CFAP20DC: variants seen among roughly 807,000 people sequenced by gnomAD.
CFAP20DC encodes protein CFAP20DC.
CFAP20DC carries 84 observed loss-of-function variants against 101.7 expected under a neutral mutation model. The observed-to-expected ratio is 0.83, with a 90% confidence interval of 0.69 to 0.99. The LOEUF (loss-of-function observed/expected upper bound fraction) is 0.99. CFAP20DC is among the 50% of genes least tolerant of loss of function. CFAP20DC has a pLI of 0.00. For missense variants in CFAP20DC, 1,007 were observed against 970.3 expected (o/e 1.04, Z -0.50); for synonymous variants, 359 against 351.2 (o/e 1.02, Z -0.25).
In CFAP20DC at chr3:58,834,790, G is replaced by A. The variant is rs543773995; in HGVS notation, c.1972-2901C>T. 5.9e-5 allele frequency among the ~76,000 whole-genome samples: 9 copies of A among 152,248 alleles called. No homozygotes were observed. In the South Asian group the frequency reaches 8.3e-4, roughly 14 times the overall value. On this transcript the variant is annotated intron_variant, in intron 13 of 16. Coordinates refer to ENST00000482387, the MANE Select transcript of CFAP20DC (RefSeq NM_001394063.1). ...ATATACTAGGGGGGTCTCCAAATGC[G>A]TGATTTGTACCTTTAATGGAAAATT...
In CFAP20DC at chr3:58,742,501, A is replaced by G; in HGVS notation, c.2404T>C (p.Tyr802His). The change falls in exon 17 of 17, where the codon TAC becomes CAC. Residue 802 changes from tyrosine (Y) to histidine (H), a missense_variant. Tyr to His is a moderately conservative substitution (Grantham distance 83). Transcript: ENST00000482387. The part of the protein sequence containing the change: ...TLLYDPCLNC[Y>H]FDPQTGKYYE... ...TATTTCCCTGTTTGGGGGTCAAAGTAACAGTTCAGACAAGGGTCATACAAC... is the reference window on the plus strand; with the variant it reads ...TATTTCCCTGTTTGGGGGTCAAAGTGACAGTTCAGACAAGGGTCATACAAC... The G allele has an allele frequency of 1.2e-6, 2 of 1,608,136 alleles. No individual in the cohort carries two copies. The highest frequency in any genetic ancestry group is 1.7e-6 in the Non-Finnish European group (2 of 1,177,098).
chr3:58,848,896 A>G, intron 13 of CFAP20DC, 136 bp downstream of exon 13: 1 of 1,112,096 alleles, frequency 9.0e-7, no homozygotes, highest in Non-Finnish European at 1.2e-6. Flanking sequence ...ACTAAAACAC[A>G]TCAGAACAGG....
At chr3:58,838,692 T>C (rs563179839) in intron 13 of CFAP20DC, among the ~76,000 whole-genome samples, 1 of 152,350 alleles carries the variant, frequency 6.6e-6, no homozygotes, top group South Asian at 2.1e-4. Context: ...TTTGCTGTGA[T>C]AGCCTGCTAA....
At chr3:58,818,229 C>G (rs1056439478) in intron 14 of CFAP20DC, among the ~76,000 whole-genome samples, 2 of 151,784 alleles carry the variant, frequency 1.3e-5, no homozygotes, top group African/African-American at 4.8e-5. Context: ...GAAACTGCAT[C>G]GACTAATGAG....
downstream of CFAP20DC, among the ~76,000 whole-genome samples, chr3:58,716,598 T>A (rs1369398466): frequency 1.3e-5 from 2 of 152,078 alleles, no homozygotes; most frequent in Non-Finnish European, 2.9e-5. Context: ...ATGGAGAGCA[T>A]CTGTAAATTA....
At chr3:59,019,903 C>T (rs1303066539) in intron 4 of CFAP20DC, among the ~76,000 whole-genome samples, 1 of 152,032 alleles carries the variant, frequency 6.6e-6, no homozygotes, top group Non-Finnish European at 1.5e-5. Context: ...CTCTCACTGT[C>T]TCACAGCATA....
At chr3:58,919,145 C>T (rs1024404524) in intron 5 of CFAP20DC, among the ~76,000 whole-genome samples, 1 of 152,104 alleles carries the variant, frequency 6.6e-6, no homozygotes, top group African/African-American at 2.4e-5. Flanking sequence ...ATTTCTTTCA[C>T]CTTAGATGAT....
rs2080566944 is a variant in CFAP20DC, at chr3:58,874,525, G to C, written c.716-4216C>G. On this transcript the variant is annotated intron_variant, in intron 7 of 16. Transcript: ENST00000482387. The surrounding 1 kb of genome is among the most constrained non-coding windows in gnomAD (Gnocchi z 5.1). ...AAACCCTGCATGTTCTGACATGTCTGAGTATCTTACACCTCTCGTTTTCTG... is the reference window on the plus strand; with the variant it reads ...AAACCCTGCATGTTCTGACATGTCTCAGTATCTTACACCTCTCGTTTTCTG... 6.6e-6 allele frequency among the ~76,000 whole-genome samples: 1 copy of C among 152,100 alleles called. No individual in the cohort carries two copies. The highest frequency in any genetic ancestry group is 1.5e-5 in the Non-Finnish European group (1 of 68,022).
chr3:58,931,431 G>A (rs1367099547), intron 5 of CFAP20DC, among the ~76,000 whole-genome samples: 1 of 152,230 alleles, frequency 6.6e-6, no homozygotes, highest in South Asian at 2.1e-4. Flanking sequence ...GGTTCTCCCA[G>A]CACACAGCTG....
At chr3:58,803,656 T>TA (rs2073862764) in intron 15 of CFAP20DC, among the ~76,000 whole-genome samples, 1 of 152,324 alleles carries the variant, frequency 6.6e-6, no homozygotes, top group East Asian at 1.9e-4. Flanking sequence ...TTCCTGCCAA[T>TA]TCTCCTAAGC....
chr3:58,852,556 T>C (rs2078347519), intron 12 of CFAP20DC, among the ~76,000 whole-genome samples: 1 of 151,514 alleles, frequency 6.6e-6, no homozygotes. Context: ...GCACCACACC[T>C]ATTCCAAAAT....
At chr3:58,978,686 G>T (rs1425789375) in intron 4 of CFAP20DC, among the ~76,000 whole-genome samples, 1 of 148,796 alleles carries the variant, frequency 6.7e-6, no homozygotes, top group Non-Finnish European at 1.5e-5. Context: ...TCCAGCCTGG[G>T]TGACAAGAGA....
Position 58,753,794 on chromosome 3 carries a change from A to G in CFAP20DC, c.2307T>C (p.Asp769=). Reference sequence around the variant, plus strand: ...CTTGAACACTCAAACTTTCACAGGAATCTGGACGCTGCTCAGCCGGCTGTT... The same window carrying G: ...CTTGAACACTCAAACTTTCACAGGAGTCTGGACGCTGCTCAGCCGGCTGTT... ...PSQQPAEQRP[D]SCESLSVQGE... The change falls in exon 16 of 17, where the codon GAT becomes GAC. Residue 769 remains aspartate, a synonymous_variant. Transcript: ENST00000482387. 6.2e-7 allele frequency: 1 copy of G among 1,612,664 alleles called. No individual in the cohort carries two copies. The highest frequency in any genetic ancestry group is 1.1e-5 in the South Asian group (1 of 90,870).
chr3:58,836,558 CAT>C (rs2076750828), intron 13 of CFAP20DC, among the ~76,000 whole-genome samples: 1 of 152,018 alleles, frequency 6.6e-6, no homozygotes, highest in African/African-American at 2.4e-5. Context: ...CCAAGAATCT[CAT>C]TCTGTTCTTC....
intron 15 of CFAP20DC, among the ~76,000 whole-genome samples, chr3:58,775,743 G>T (rs9864553): frequency 0.01 from 1,468 of 145,972 alleles, 24 homozygotes; most frequent in African/African-American, 0.036. Context: ...TCCCTTTTCT[G>T]TCTTTTTTTT....
At chr3:58,793,340 TTGC>T (rs1284219677) in intron 15 of CFAP20DC, among the ~76,000 whole-genome samples, 1 of 152,178 alleles carries the variant, frequency 6.6e-6, no homozygotes, top group Non-Finnish European at 1.5e-5. Context: ...ACTTTCTTTT[TTGC>T]TAGCACTGAA....
chr3:58,720,309 C>G (rs146422796), intron 3 of CFAP20DC, among the ~76,000 whole-genome samples: 1 of 152,202 alleles, frequency 6.6e-6, no homozygotes, highest in Non-Finnish European at 1.5e-5. Context: ...TTTAAGTTCT[C>G]TGAGCCTCAG....
rs145837466 is a variant in CFAP20DC, at chr3:58,744,881, T to G, written c.2333-2309A>C. Among the ~76,000 whole-genome samples the G allele has an allele frequency of 2.6e-3, 400 of 152,298 alleles. 2 individuals are homozygous for G. The highest frequency in any genetic ancestry group is 3.1e-3 in the Non-Finnish European group (208 of 68,024). On this transcript the variant is annotated intron_variant, in intron 16 of 16. Coordinates refer to ENST00000482387, the MANE Select transcript of CFAP20DC (RefSeq NM_001394063.1). Reference sequence around the variant, plus strand: ...TGGGGCAACGATTTGTGCAGAATTTTGTAGATGAACTGTGCTTAGAACAGG... The same window carrying G: ...TGGGGCAACGATTTGTGCAGAATTTGGTAGATGAACTGTGCTTAGAACAGG...
At chr3:58,757,668 A>G (rs2069091970) in intron 15 of CFAP20DC, among the ~76,000 whole-genome samples, 1 of 151,982 alleles carries the variant, frequency 6.6e-6, no homozygotes, top group South Asian at 2.1e-4. Flanking sequence ...TTCATTTTTC[A>G]CAATTAGATT....
Sources: allele counts gnomAD v4.1 joint callset (sites outside exome capture counted in the v4.1 genomes callset), GRCh38; gene constraint gnomAD v4.1.1; non-coding constraint Gnocchi (gnomAD v3.1); transcripts MANE v1.5; gene names NCBI Gene and HGNC (gene_info 2026-07-23, HGNC 2026-07-21).